Variants in SUSD4 observed in about 807,000 individuals in gnomAD.
SUSD4 encodes sushi domain-containing protein 4.
In SUSD4, 41 loss-of-function variants were observed where a neutral mutation model predicts 50.5. The ratio of observed to expected loss-of-function variants is 0.81; its 90% CI spans 0.63 to 1.05. The LOEUF is 1.05. Among genes scored for constraint, SUSD4 ranks in the 50% least tolerant of loss-of-function variants. The probability of loss-of-function intolerance (pLI) is 0.00; values close to 1 mark genes in which losing one functional copy is unlikely to be tolerated. For missense variants in SUSD4, 580 were observed against 634.7 expected, an observed-to-expected ratio of 0.91 and a Z score of 0.93; for synonymous variants, 257 against 257.3, an observed-to-expected ratio of 1.00 and a Z score of 0.01.
chr1:223,347,539 C>A (rs1668101026), intron 2 of SUSD4, among the ~76,000 whole-genome samples: 1 of 148,706 alleles, frequency 6.7e-6, no homozygotes, highest in East Asian at 2.0e-4. Context: ...CACTTCCCAG[C>A]TAAATAAATC....
intron 5 of SUSD4, chr1:223,263,717 T>C (rs897808682): frequency 4.1e-6 from 4 of 985,446 alleles, no homozygotes; most frequent in South Asian, 9.4e-5. Flanking sequence ...TCACCCTCCA[T>C]GACACACGTC....
intron 2 of SUSD4, among the ~76,000 whole-genome samples, chr1:223,325,869 G>C (rs1666846878): frequency 6.6e-6 from 1 of 152,174 alleles, no homozygotes. Flanking sequence ...AGAAATCATA[G>C]ATAGCATAAA....
At chr1:223,339,173 G>A (rs1667618741) in intron 2 of SUSD4, among the ~76,000 whole-genome samples, 1 of 152,214 alleles carries the variant, frequency 6.6e-6, no homozygotes, top group Admixed American at 6.5e-5. Context: ...GGCTGAGAAA[G>A]AGGAGAACTG....
chr1:223,289,988 A>T (rs994043776), intron 3 of SUSD4, among the ~76,000 whole-genome samples: 3 of 152,248 alleles, frequency 2.0e-5, no homozygotes, highest in African/African-American at 7.2e-5. Flanking sequence ...TCAGTTTCCT[A>T]ATCAGGAAAC....
At chr1:223,305,113 G>C (rs1665454051) in intron 2 of SUSD4, among the ~76,000 whole-genome samples, 1 of 151,888 alleles carries the variant, frequency 6.6e-6, no homozygotes, top group South Asian at 2.1e-4. Flanking sequence ...TTGATGGTAA[G>C]CCACAAACCT....
In SUSD4 at chr1:223,227,866, G is replaced by T; in HGVS notation, c.917-128C>A. ...CGTGCAAGGTGCCTCTGACCCCCAG[G>T]GCTCGGCAGAGATACCATGTGCCCC... On this transcript the variant is annotated intron_variant, in intron 6 of 8. Transcript: ENST00000366878. This position sits in a 1 kb window ranked among gnomAD's most constrained non-coding sequence, Gnocchi z 4.5. 8.1e-7 allele frequency: 1 copy of T among 1,241,856 alleles called. No individual in the cohort carries two copies. The allele number at this position is 1,241,856 out of a possible 1,614,324, so 76.9% of individuals were successfully genotyped here.
chr1:223,315,548 G>C (rs1666136167), intron 2 of SUSD4, among the ~76,000 whole-genome samples: 1 of 152,166 alleles, frequency 6.6e-6, no homozygotes, highest in African/African-American at 2.4e-5. Flanking sequence ...AAAAACCCTA[G>C]CGTCTGCATT....
At chr1:223,280,319 A>T in intron 3 of SUSD4, among the ~76,000 whole-genome samples, 1 of 152,210 alleles carries the variant, frequency 6.6e-6, no homozygotes, top group Non-Finnish European at 1.5e-5. Context: ...AAGACCCATC[A>T]ATGTACTGTA....
intron 2 of SUSD4, among the ~76,000 whole-genome samples, chr1:223,352,260 C>T (rs559495684): frequency 1.8e-4 from 27 of 152,250 alleles, no homozygotes; most frequent in African/African-American, 6.3e-4. Flanking sequence ...GAAGAGCTCC[C>T]AAAGAACTGG....
Position 223,347,831 on chromosome 1 carries a change from G to A in SUSD4, c.148+15447C>T, listed in dbSNP as rs1668125642. ...ACATAACCCTCAGGAGGTGGATCCT[G>A]TTGTGATGATTCCCAGTTGTCTGGA... On this transcript the variant is annotated intron_variant, in intron 2 of 8. Coordinates refer to ENST00000366878, the MANE Select transcript of SUSD4 (RefSeq NM_017982.4). 3.7e-5 allele frequency among the ~76,000 whole-genome samples: 4 copies of A among 108,878 alleles called. No homozygotes were observed. The Admixed American group carries it at 3.7e-4, about 10-fold the overall frequency. 71.4% of individuals were successfully genotyped at this position (108,878 alleles called of 152,430 possible).
intron 2 of SUSD4, among the ~76,000 whole-genome samples, chr1:223,300,037 G>A (rs1423830623): frequency 6.6e-6 from 1 of 152,162 alleles, no homozygotes; most frequent in Non-Finnish European, 1.5e-5. Context: ...TATGCTGAAT[G>A]TCCCTCCACC....
chr1:223,297,869 A>G (rs773488418), intron 2 of SUSD4, among the ~76,000 whole-genome samples: 1 of 152,176 alleles, frequency 6.6e-6, no homozygotes, highest in Non-Finnish European at 1.5e-5. Flanking sequence ...AGGATAAAGC[A>G]AGGGATGGAT....
chr1:223,357,869 T>C (rs1668753579), intron 2 of SUSD4, among the ~76,000 whole-genome samples: 1 of 152,218 alleles, frequency 6.6e-6, no homozygotes, highest in Admixed American at 6.5e-5. Flanking sequence ...AGGACCATAT[T>C]TGTACACAAA....
chr1:223,259,671 G>A (rs957867719), intron 5 of SUSD4, among the ~76,000 whole-genome samples: 4 of 152,064 alleles, frequency 2.6e-5, no homozygotes, highest in Admixed American at 6.5e-5. Context: ...TCCTGCAACC[G>A]CTCATAACCA....
intron 2 of SUSD4, among the ~76,000 whole-genome samples, chr1:223,326,718 T>C (rs1666896494): frequency 6.6e-6 from 1 of 152,096 alleles, no homozygotes. Context: ...AAAGAAGATA[T>C]ACAAATGGCC....
At chr1:223,235,370 TCA>T (rs1660150359) in intron 5 of SUSD4, among the ~76,000 whole-genome samples, 1 of 152,120 alleles carries the variant, frequency 6.6e-6, no homozygotes, top group South Asian at 2.1e-4. Context: ...TCATTATCAC[TCA>T]GAGTCGAGTT....
At chr1:223,288,496 C>A (rs1377346164) in intron 3 of SUSD4, among the ~76,000 whole-genome samples, 2 of 152,214 alleles carry the variant, frequency 1.3e-5, no homozygotes, top group Non-Finnish European at 2.9e-5. Context: ...AATTTGGGTG[C>A]TGTACAACAT....
intron 2 of SUSD4, among the ~76,000 whole-genome samples, chr1:223,323,527 G>A (rs1326771697): frequency 6.6e-6 from 1 of 152,116 alleles, no homozygotes; most frequent in East Asian, 1.9e-4. Flanking sequence ...ATTGAGGGTG[G>A]AAGGGTCCAG....
intron 2 of SUSD4, among the ~76,000 whole-genome samples, chr1:223,337,740 G>A (rs1667538389): frequency 6.6e-6 from 1 of 152,202 alleles, no homozygotes; most frequent in African/African-American, 2.4e-5. Context: ...AGTTTACAGA[G>A]CCATCCCTCA....
Sources: gnomAD v4.1 joint callset for allele counts (sites outside exome capture counted in the v4.1 genomes callset) on GRCh38, gnomAD v4.1.1 for gene constraint, Gnocchi (gnomAD v3.1) non-coding constraint, MANE v1.5 for transcripts, NCBI Gene and HGNC (gene_info 2026-07-23, HGNC 2026-07-21) for gene names.